Variants in VWA8 observed in about 807,000 individuals in gnomAD.
VWA8 encodes the protein von Willebrand factor A domain containing 8, also known as von Willebrand factor A domain-containing protein 8.
Under a neutral mutation model 241.5 loss-of-function variants are expected in VWA8, and 221 were observed. The observed-to-expected ratio is 0.91, with a 90% CI of 0.82 to 1.02. VWA8 has a LOEUF of 1.02. Among genes scored for constraint, VWA8 ranks in the 50% least tolerant of loss-of-function variants. The pLI is 0.00. For missense variants in VWA8, 2,322 were observed against 2,328.7 expected (o/e 1.00, Z 0.06); for synonymous variants, 852 against 827.1 (o/e 1.03, Z -0.52).
At chr13:41,719,772 C>T (rs1260413665) in intron 25 of VWA8, 30 bp from the exon 26 acceptor site, 3 of 1,582,990 alleles carry the variant, frequency 1.9e-6, no homozygotes, top group Non-Finnish European at 2.6e-6. Context: ...CCTTATTATG[C>T]ATGTGATAAA....
At chr13:41,728,034 A>G (rs1428494870) in intron 23 of VWA8, among the ~76,000 whole-genome samples, 1 of 152,158 alleles carries the variant, frequency 6.6e-6, no homozygotes, top group Non-Finnish European at 1.5e-5. Context: ...TATTTCAGGA[A>G]GAACCACTTG....
At chr13:41,610,857 C>T (rs528693087) in intron 39 of VWA8, among the ~76,000 whole-genome samples, 1 of 152,202 alleles carries the variant, frequency 6.6e-6, no homozygotes, top group African/African-American at 2.4e-5. Context: ...TAAATGGCTC[C>T]TATTGTAGTG....
At chr13:41,784,729 TAC>T (rs1555335120) in intron 18 of VWA8, among the ~76,000 whole-genome samples, 4 of 60,074 alleles carry the variant, frequency 6.7e-5, no homozygotes, top group African/African-American at 1.1e-4. Flanking sequence ...TATATATATA[TAC>T]ACACACATAT....
At chr13:41,656,091 T>C (rs968811656) in intron 37 of VWA8, among the ~76,000 whole-genome samples, 1 of 152,196 alleles carries the variant, frequency 6.6e-6, no homozygotes, top group Non-Finnish European at 1.5e-5. Context: ...TCCTTACAGA[T>C]TGTTGAGAGT....
intron 42 of VWA8, among the ~76,000 whole-genome samples, chr13:41,581,451 G>A (rs1433321846): frequency 6.6e-6 from 1 of 152,162 alleles, no homozygotes; most frequent in Non-Finnish European, 1.5e-5. Context: ...TTTGTTAGCA[G>A]TGGAACCCTT....
chr13:41,575,776 G>A lies in VWA8; in HGVS notation c.5334C>T (p.Ile1778=). 1.2e-6 allele frequency: 2 copies of A among 1,613,372 alleles called. No homozygotes were observed. Among genetic ancestry groups the A allele is most frequent in the Non-Finnish European group, 1.7e-6 (2 of 1,179,848 alleles). Residue 1778 remains isoleucine (I), a synonymous_variant, in exon 43 of 45, where the codon ATC becomes ATT. Transcript: ENST00000379310. ...YNIGLVPMNK[I]PKDNKQRLEI... is the part of the protein sequence containing the mutation. The stretch of plus-strand genomic sequence containing the variant: ...CTAGTCTTTGCTTATTGTCCTTGGG[G>A]ATTTTGTTCATTGGAACCAGACCAA...
intron 12 of VWA8, among the ~76,000 whole-genome samples, chr13:41,863,423 G>GAA (rs1873111371): frequency 6.5e-5 from 4 of 61,710 alleles, no homozygotes; most frequent in Non-Finnish European, 1.3e-4. Flanking sequence ...GTGTGTGTGT[G>GAA]TGTGTGTGTG....
intron 23 of VWA8, among the ~76,000 whole-genome samples, chr13:41,727,795 TA>T (rs2045448935): frequency 1.3e-5 from 2 of 152,114 alleles, no homozygotes; most frequent in African/African-American, 4.8e-5. Context: ...CCCTGAAAAC[TA>T]AATACATATT....
intron 35 of VWA8, among the ~76,000 whole-genome samples, chr13:41,683,596 G>A (rs1276614550): frequency 3.3e-5 from 5 of 152,092 alleles, no homozygotes; most frequent in African/African-American, 9.7e-5. Flanking sequence ...TATATAAACC[G>A]AGCTTAAGAA....
intron 2 of VWA8, among the ~76,000 whole-genome samples, chr13:41,937,153 A>G (rs1177321524): frequency 6.6e-6 from 1 of 152,200 alleles, no homozygotes; most frequent in East Asian, 1.9e-4. Context: ...AGTAGGCTAT[A>G]CCAGCAGTCA....
intron 40 of VWA8, among the ~76,000 whole-genome samples, chr13:41,593,749 T>C (rs1227502971): frequency 6.6e-6 from 1 of 152,196 alleles, no homozygotes; most frequent in Non-Finnish European, 1.5e-5. Flanking sequence ...TTCTAATGGC[T>C]TTCATAGATG....
chr13:41,792,669 T>C (rs1432084956), intron 17 of VWA8, among the ~76,000 whole-genome samples: 1 of 152,026 alleles, frequency 6.6e-6, no homozygotes, highest in East Asian at 1.9e-4. Flanking sequence ...TGACTAATTA[T>C]ATCTAAATAT....
rs1224090480 is a variant in VWA8, at chr13:41,728,289, T to G, written c.2639-976A>C. Among the ~76,000 whole-genome samples the G allele has an allele frequency of 2.0e-5, 3 of 151,760 alleles. No homozygotes were observed. The East Asian group carries it at 5.8e-4, about 29-fold the overall frequency. On this transcript the variant is annotated intron_variant, in intron 23 of 44. Transcript: ENST00000379310. The stretch of plus-strand genomic sequence containing the variant: ...AAGGGTATGTGGCTACAGGCAAAAT[T>G]TAATCAATTAATCAAAACAAAAATG...
At chr13:41,781,843 TAAATA>T (rs1868900575) in intron 19 of VWA8, among the ~76,000 whole-genome samples, 1 of 152,204 alleles carries the variant, frequency 6.6e-6, no homozygotes, top group Admixed American at 6.5e-5. Context: ...CTGGAAATAT[TAAATA>T]AAGAAAACAT....
intron 37 of VWA8, among the ~76,000 whole-genome samples, chr13:41,618,727 G>C (rs1332687267): frequency 6.6e-6 from 1 of 152,164 alleles, no homozygotes; most frequent in African/African-American, 2.4e-5. Context: ...TTATTAAATA[G>C]GGAATCCTTT....
At chr13:41,660,676 A>C (rs1051352394) in intron 37 of VWA8, among the ~76,000 whole-genome samples, 4 of 152,070 alleles carry the variant, frequency 2.6e-5, no homozygotes, top group Non-Finnish European at 4.4e-5. Context: ...CTGTGCACTG[A>C]ATCACGCTGC....
At chr13:41,860,956 T>C (rs1872975328) in intron 12 of VWA8, among the ~76,000 whole-genome samples, 1 of 152,010 alleles carries the variant, frequency 6.6e-6, no homozygotes. Flanking sequence ...GTTTTTATTT[T>C]AATGTGAAGA....
chr13:41,758,398 G>GTATGTA (rs1555331263), intron 21 of VWA8, among the ~76,000 whole-genome samples: 1 of 25,004 alleles, frequency 4.0e-5, no homozygotes, highest in African/African-American at 1.0e-4. Flanking sequence ...ATATACGCTA[G>GTATGTA]TATATATATA....
chr13:41,576,623 G>A (rs1381380176), intron 42 of VWA8, among the ~76,000 whole-genome samples: 1 of 152,214 alleles, frequency 6.6e-6, no homozygotes, highest in Non-Finnish European at 1.5e-5. Flanking sequence ...GTGGCTAGGG[G>A]TGAAGACCTA....
Sources: gnomAD v4.1 joint callset for allele counts (sites outside exome capture counted in the v4.1 genomes callset) on GRCh38, gnomAD v4.1.1 for gene constraint, MANE v1.5 for transcripts, NCBI Gene and HGNC (gene_info 2026-07-23, HGNC 2026-07-21) for gene names.